PPARGC1A: variants seen among roughly 807,000 people sequenced by gnomAD.
The protein encoded by PPARGC1A is PPARG coactivator 1 alpha.
In PPARGC1A, 25 loss-of-function variants were observed where a neutral mutation model predicts 88.7. That is an observed-to-expected ratio of 0.28 (90% confidence interval 0.21 to 0.39). PPARGC1A has a LOEUF of 0.39. PPARGC1A is among the 10% of genes least tolerant of loss of function. The pLI, the probability that PPARGC1A is intolerant of heterozygous loss-of-function variation, is 1.00. For missense variants in PPARGC1A, 880 were observed against 968.7 expected (o/e 0.91, Z 1.22); for synonymous variants, 363 against 355.6 (o/e 1.02, Z -0.24).
chr4:24,025,452 C>T, the PPARGC1A span, among the ~76,000 whole-genome samples: 3 of 152,102 alleles, frequency 2.0e-5, no homozygotes, highest in African/African-American at 7.2e-5. Flanking sequence ...TTCATTTCTC[C>T]CATCTTTCTT....
the PPARGC1A span, among the ~76,000 whole-genome samples, chr4:24,420,209 C>T: frequency 6.6e-6 from 1 of 152,170 alleles, no homozygotes; most frequent in African/African-American, 2.4e-5. Flanking sequence ...TAATTCAGTT[C>T]ATTTTAAACC....
At chr4:24,053,162 C>T in the PPARGC1A span, among the ~76,000 whole-genome samples, 4 of 151,814 alleles carry the variant, frequency 2.6e-5, no homozygotes, top group South Asian at 2.1e-4. Context: ...TGAGCCACTG[C>T]GCCTGGCCCA....
the PPARGC1A span, among the ~76,000 whole-genome samples, chr4:24,027,233 G>GTGTGTGTC: frequency 3.3e-5 from 5 of 150,162 alleles, no homozygotes; most frequent in African/African-American, 1.2e-4. Context: ...GTGTCTGTGT[G>GTGTGTGTC]TGTCTGTGTG....
At chr4:24,314,906 G>T in the PPARGC1A span, among the ~76,000 whole-genome samples, 1 of 151,488 alleles carries the variant, frequency 6.6e-6, no homozygotes, top group Non-Finnish European at 1.5e-5. Context: ...TAGGCTCTCA[G>T]CTTTCCACTA....
chr4:24,447,563 G>A, the PPARGC1A span, among the ~76,000 whole-genome samples: 1 of 152,176 alleles, frequency 6.6e-6, no homozygotes, highest in Non-Finnish European at 1.5e-5. Flanking sequence ...AGGAGATGTG[G>A]CTTCACCTCA....
the PPARGC1A span, among the ~76,000 whole-genome samples, chr4:24,365,894 T>C: frequency 3.9e-5 from 6 of 152,210 alleles, no homozygotes; most frequent in Non-Finnish European, 7.3e-5. Flanking sequence ...CAGATAATAC[T>C]TGACAGCTTC....
the PPARGC1A span, among the ~76,000 whole-genome samples, chr4:24,387,764 GAGAGAAAGAAAGAAAGAA>G: frequency 9.1e-5 from 7 of 76,560 alleles, no homozygotes; most frequent in African/African-American, 4.2e-4. Context: ...GAGAGAGAGA[GAGAGAAAGAAAGAAAGAA>G]AGAAAGAAAG....
At chr4:24,246,314 T>C in the PPARGC1A span, among the ~76,000 whole-genome samples, 5 of 152,224 alleles carry the variant, frequency 3.3e-5, no homozygotes, top group African/African-American at 1.2e-4. Flanking sequence ...ATTCAGATCC[T>C]GGGATCCCAA....
chr4:24,434,539 G>A, the PPARGC1A span, among the ~76,000 whole-genome samples: 7 of 152,172 alleles, frequency 4.6e-5, no homozygotes, highest in Middle Eastern at 3.2e-3. Context: ...AATGGCGCTC[G>A]CGTGACAAAT....
chr4:24,362,930 G>A, the PPARGC1A span, among the ~76,000 whole-genome samples: 56 of 152,184 alleles, frequency 3.7e-4, 1 homozygote, highest in Non-Finnish European at 5.1e-4. Flanking sequence ...CCTAAAACTC[G>A]TTGAAACAGA....
chr4:24,367,364 GA>G, the PPARGC1A span, among the ~76,000 whole-genome samples: 1 of 152,136 alleles, frequency 6.6e-6, no homozygotes, highest in African/African-American at 2.4e-5. Flanking sequence ...AGCAGACACA[GA>G]AAGAAAACTT....
At chr4:23,904,078 G>A, upstream of PPARGC1A, 1 of 980,886 alleles carries the variant, frequency 1.0e-6, no homozygotes, top group African/African-American at 1.7e-5. Flanking sequence ...CATGAGATGA[G>A]GGAACACTCA....
At chr4:24,020,642 A>G in the PPARGC1A span, among the ~76,000 whole-genome samples, 2 of 152,076 alleles carry the variant, frequency 1.3e-5, no homozygotes, top group African/African-American at 2.4e-5. Flanking sequence ...AAAGGCAGTG[A>G]TTTCACAGCT....
the PPARGC1A span, among the ~76,000 whole-genome samples, chr4:24,269,044 A>G: frequency 1.3e-5 from 2 of 152,184 alleles, no homozygotes; most frequent in South Asian, 4.1e-4. Context: ...TTGAATTAAG[A>G]TATGTAACTA....
the PPARGC1A span, among the ~76,000 whole-genome samples, chr4:24,454,621 C>T: frequency 6.6e-6 from 1 of 151,864 alleles, no homozygotes; most frequent in Non-Finnish European, 1.5e-5. Context: ...GCCTATAGCC[C>T]CACCTACTCA....
chr4:23,953,477 C>G, the PPARGC1A span, among the ~76,000 whole-genome samples: 3 of 152,114 alleles, frequency 2.0e-5, no homozygotes, highest in Non-Finnish European at 4.4e-5. Flanking sequence ...ATACAGGATG[C>G]AGTCTGCAGG....
the PPARGC1A span, among the ~76,000 whole-genome samples, chr4:24,023,120 G>A: frequency 6.6e-6 from 1 of 151,976 alleles, no homozygotes; most frequent in South Asian, 2.1e-4. Flanking sequence ...CATTATTCAT[G>A]ATTTTTGTAT....
chr4:24,457,871 G>A, the PPARGC1A span, among the ~76,000 whole-genome samples: 1 of 152,098 alleles, frequency 6.6e-6, no homozygotes, highest in Non-Finnish European at 1.5e-5. Flanking sequence ...CCGAGATACT[G>A]TTTAGAGTCC....
At chr4:23,905,344 T>C (rs373795586), upstream of PPARGC1A, among the ~76,000 whole-genome samples, 1 of 152,224 alleles carries the variant, frequency 6.6e-6, no homozygotes, top group East Asian at 1.9e-4. Context: ...ACTTATGGCA[T>C]GCATACATGT....
Sources: gnomAD v4.1 joint callset for allele counts (sites outside exome capture counted in the v4.1 genomes callset) on GRCh38, gnomAD v4.1.1 for gene constraint, MANE v1.5 for transcripts, NCBI Gene and HGNC (gene_info 2026-07-23, HGNC 2026-07-21) for gene names.